The following MAP3K12 variants were observed in gnomAD, a reference collection of about 807,000 sequenced individuals.
MAP3K12 encodes mitogen-activated protein kinase kinase kinase 12.
In MAP3K12, 14 loss-of-function variants were observed where a neutral mutation model predicts 87.5. The ratio of observed to expected loss-of-function variants is 0.16; its 90% CI spans 0.11 to 0.25. The LOEUF (loss-of-function observed/expected upper bound fraction) is 0.25, where lower values mean the gene tolerates loss of function less well. Among genes scored for constraint, MAP3K12 ranks in the 10% least tolerant of loss-of-function variants. The pLI is 1.00. For synonymous variants in MAP3K12, 469 were observed against 452.5 expected, an observed-to-expected ratio of 1.04 and a Z score of -0.46; for missense variants, 802 against 1,140.4, an observed-to-expected ratio of 0.70 and a Z score of 4.27.
chr12:53,496,539 C>T (rs771732668), intron 1 of MAP3K12, among the ~76,000 whole-genome samples: 1 of 152,174 alleles, frequency 6.6e-6, no homozygotes, highest in Non-Finnish European at 1.5e-5. Flanking sequence ...CTACCTAGGA[C>T]CTCAGATAGA....
rs771375598 is a variant in MAP3K12, at chr12:53,487,372, G to A, written c.20C>T (p.Thr7Ile). The stretch of plus-strand genomic sequence containing the variant: ...CCCAAAGGAAGGAGAGGGTGTTCGG[G>A]TCTCATGGAGGCAAGCCATCGCCTC... MACLHETRTPSPSFGGF... is the reference protein window; with the variant it reads MACLHEIRTPSPSFGGF... Residue 7 changes from threonine (T) to isoleucine (I), a missense_variant, in exon 2 of 14, where the codon ACC becomes ATC. By Grantham distance (89) the Thr-to-Ile change is moderately conservative (BLOSUM62 -1). Coordinates refer to ENST00000547488, the MANE Select transcript of MAP3K12 (RefSeq NM_001193511.2). The A allele has an allele frequency of 3.0e-5, 49 of 1,612,464 alleles. No individual in the cohort carries two copies. The highest frequency in any genetic ancestry group is 4.1e-5 in the Non-Finnish European group (48 of 1,179,102).
intron 1 of MAP3K12, chr12:53,487,686 T>G (rs1414896803): frequency 1.8e-5 from 7 of 380,564 alleles, no homozygotes; most frequent in Non-Finnish European, 3.3e-5. Flanking sequence ...AGTATCATTC[T>G]CAGGTAACAG....
intron 10 of MAP3K12, 55 bp from the exon 11 acceptor site, chr12:53,483,244 C>A (rs146257335): frequency 1.3e-6 from 2 of 1,546,674 alleles, no homozygotes; most frequent in Non-Finnish European, 1.7e-6. Flanking sequence ...GTACTCAAAG[C>A]ACTCCCTAAC....
chr12:53,489,073 C>G (rs1280400789), intron 1 of MAP3K12, among the ~76,000 whole-genome samples: 2 of 114,476 alleles, frequency 1.7e-5, no homozygotes, highest in South Asian at 3.0e-4. Flanking sequence ...GAGTGAAACT[C>G]TGTCTCAAAA....
chr12:53,483,749 A>G (rs767862539), intron 8 of MAP3K12, 26 bp from the exon 9 acceptor site: 32 of 1,613,550 alleles, frequency 2.0e-5, no homozygotes, highest in Non-Finnish European at 2.5e-5. Flanking sequence ...AGGTTCCCCA[A>G]GGTGAACTGG....
At chr12:53,498,736 C>T (rs1303645645) in intron 1 of MAP3K12, among the ~76,000 whole-genome samples, 1 of 151,846 alleles carries the variant, frequency 6.6e-6, no homozygotes, top group African/African-American at 2.4e-5. Flanking sequence ...GAGAAACCCA[C>T]ACGTGAATGG....
rs1211987320 is a variant in MAP3K12 at position 53,486,489 on chromosome 12, G to A, written c.579C>T (p.Thr193=). 11 of 1,614,050 alleles carry A rather than the reference G, an allele frequency of 6.8e-6. No individual in the cohort carries two copies. Among genetic ancestry groups the A allele is most frequent in the East Asian group, 4.5e-5 (2 of 44,880 alleles). The change falls in exon 3 of 14, where the codon ACC becomes ACT. Residue 193 remains threonine (T), a synonymous_variant. Coordinates refer to ENST00000547488, the MANE Select transcript of MAP3K12 (RefSeq NM_001193511.2). This position sits in a 1 kb window ranked among gnomAD's most constrained non-coding sequence, Gnocchi z 4.9. ...TCAGCTTTCGCAAGTGCTTGATGTC[G>A]GTTTCTTTGAGGTCTCGCACCTTCT... ...AVKKVRDLKE[T]DIKHLRKLKH...
At chr12:53,501,483 C>G, upstream of MAP3K12, 1 of 1,559,072 alleles carries the variant, frequency 6.4e-7, no homozygotes, top group Non-Finnish European at 8.7e-7. Context: ...CGTACCGATT[C>G]CTTCAGGGCG....
At position 53,480,271 on chromosome 12, in the gene MAP3K12, A is replaced by G. The variant is rs1942965828; in HGVS notation, c.*911T>C. 6.6e-6 allele frequency: 1 copy of G among 152,202 alleles called. No individual in the cohort carries two copies. The allele number at this position is 152,202 out of a possible 1,614,324, so 9.4% of individuals were successfully genotyped here. ...TCTATTGTTTTTAGTAACTTCATTT[A>G]TAGTCCTCCATAACAAGTTAGAAGG... On this transcript the variant is annotated 3_prime_UTR_variant, in exon 14 of 14. Transcript: ENST00000547488.
rs144724158 is a variant in MAP3K12 at position 53,486,712 on chromosome 12, TAAG to T, written c.446-93_446-91del. Reference sequence around the variant, plus strand: ...TAGCATTGGGTTGGCTGAATTGACTTAAGGAGGGTGAGGCAGAAAGCCAAAAAT... The same window carrying T: ...TAGCATTGGGTTGGCTGAATTGACTTGAGGGTGAGGCAGAAAGCCAAAAAT... On this transcript the variant is annotated intron_variant, in intron 2 of 13. Coordinates refer to ENST00000547488, the MANE Select transcript of MAP3K12 (RefSeq NM_001193511.2). This position sits in a 1 kb window ranked among gnomAD's most constrained non-coding sequence, Gnocchi z 4.9. The T allele has an allele frequency of 2.4e-3, 3,565 of 1,460,346 alleles. 71 individuals carry two copies. In the African/African-American group the frequency reaches 0.043, roughly 18 times the overall value. The allele number at this position is 1,460,346 out of a possible 1,614,324, so 90.5% of individuals were successfully genotyped here.
At chr12:53,481,509 C>T in intron 13 of MAP3K12, 1 of 294,804 alleles carries the variant, frequency 3.4e-6, no homozygotes, top group Non-Finnish European at 6.4e-6. Context: ...ACCACCACGC[C>T]CAGCTAATTT....
rs1942983997 is a variant in MAP3K12 at position 53,480,588 on chromosome 12, T to TA, written c.*593dup. On this transcript the variant is annotated 3_prime_UTR_variant, in exon 14 of 14. Coordinates refer to ENST00000547488, the MANE Select transcript of MAP3K12 (RefSeq NM_001193511.2). ...AGGCACCAGGATAAAAGCAGGGACT[T>TA]AAACAGCACCCCGGTTCTTCAGCCT... is the stretch of plus-strand genomic sequence containing the variant. The TA allele has an allele frequency of 6.6e-6, 1 of 152,636 alleles. No homozygotes were observed. Among genetic ancestry groups the TA allele is most frequent in the East Asian group, 1.9e-4 (1 of 5,190 alleles). The allele number at this position is 152,636 out of a possible 1,614,324, so 9.5% of individuals were successfully genotyped here. A position where few individuals can be genotyped will look rare whatever the true frequency, so the allele number is the denominator to read the frequency against.
intron 1 of MAP3K12, among the ~76,000 whole-genome samples, chr12:53,497,650 G>C (rs551138596): frequency 6.6e-6 from 1 of 152,324 alleles, no homozygotes; most frequent in South Asian, 2.1e-4. Flanking sequence ...AACAGTGTGA[G>C]TGAATGCATG....
intron 7 of MAP3K12, 112 bp downstream of exon 7, chr12:53,484,145 T>C: frequency 7.4e-7 from 1 of 1,355,364 alleles, no homozygotes; most frequent in South Asian, 1.2e-5. Flanking sequence ...CTCAGCCCTC[T>C]AAGAGCCAAT....
chr12:53,486,254 G>A lies in MAP3K12; in HGVS notation c.630-7C>T, dbSNP rs777994932. The A allele has an allele frequency of 8.8e-6, 14 of 1,594,672 alleles. No individual in the cohort carries two copies. In the Middle Eastern group the frequency reaches 5.1e-4, roughly 58 times the overall value. ...AGCCTGGGTGCACACACCCCTGGGA[G>A]CCAAACAATGGTATGAAGGCCTCAG... is the stretch of plus-strand genomic sequence containing the variant. On this transcript the variant is annotated splice_polypyrimidine_tract_variant and splice_region_variant and intron_variant, in intron 3 of 13. Coordinates refer to ENST00000547488, the MANE Select transcript of MAP3K12 (RefSeq NM_001193511.2). The surrounding 1 kb of genome is among the most constrained non-coding windows in gnomAD (Gnocchi z 4.9).
chr12:53,489,173 AAAC>A (rs1182543812), intron 1 of MAP3K12, among the ~76,000 whole-genome samples: 1 of 151,508 alleles, frequency 6.6e-6, no homozygotes, highest in African/African-American at 2.4e-5. Context: ...AACAAACAAA[AAAC>A]AACAAAGCTG....
In MAP3K12 at chr12:53,482,189, G is replaced by C. The variant is rs774681304; in HGVS notation, c.2332C>G (p.Arg778Gly). ...GAGCTGAAGGTAGATAGTGACTGGC[G>C]CATGTTCAGGCTCTGAGGCCACCTA... is the stretch of plus-strand genomic sequence containing the variant. The part of the protein sequence containing the change: ...SQRWPQSLNM[R>G]QSLSTFSSEN... The change falls in exon 13 of 14, where the codon CGC (arginine) becomes GGC (glycine). Residue 778 changes from arginine to glycine, a missense_variant. Around this residue, in one of 5 missense-constraint regions of MAP3K12, gnomAD observed 490 missense variants for 496.6 expected, o/e 0.99. Transcript: ENST00000547488. 6.2e-7 allele frequency: 1 copy of C among 1,614,174 alleles called. No individual in the cohort carries two copies. The highest frequency in any genetic ancestry group is 1.1e-5 in the South Asian group (1 of 91,092).
rs566414822 is a variant in MAP3K12 at position 53,499,182 on chromosome 12, C to A, written c.-38+245G>T. ...CCACCCCACCCCAATACGGTCCTTT[C>A]CAGCTCTGGAGGCCCTTCGTCTCCA... On this transcript the variant is annotated intron_variant, in intron 1 of 13. Coordinates refer to ENST00000547488, the MANE Select transcript of MAP3K12 (RefSeq NM_001193511.2). 5.9e-5 allele frequency among the ~76,000 whole-genome samples: 9 copies of A among 152,062 alleles called. No homozygotes were observed. In the South Asian group the frequency reaches 1.9e-3, roughly 32 times the overall value.
In MAP3K12 at chr12:53,485,223, G is replaced by T; in HGVS notation, c.981-9C>A. 6.2e-7 allele frequency: 1 copy of T among 1,607,490 alleles called. No individual in the cohort carries two copies. Among genetic ancestry groups the T allele is most frequent in the Non-Finnish European group, 8.5e-7 (1 of 1,175,984 alleles). On this transcript the variant is annotated splice_polypyrimidine_tract_variant and intron_variant, in intron 5 of 13. Coordinates refer to ENST00000547488, the MANE Select transcript of MAP3K12 (RefSeq NM_001193511.2). ...GCACCACGCCAAAGGACCTAGGGAT[G>T]AGGGGACATCACTTGTGCTCAAGCC...
Sources: allele counts gnomAD v4.1 joint callset (sites outside exome capture counted in the v4.1 genomes callset), GRCh38; gene constraint gnomAD v4.1.1; regional missense constraint gnomAD v4.1.1; non-coding constraint Gnocchi (gnomAD v3.1); transcripts MANE v1.5; gene names NCBI Gene and HGNC (gene_info 2026-07-23, HGNC 2026-07-21).